SLCO3A1: variants seen among roughly 807,000 people sequenced by gnomAD.
SLCO3A1 encodes solute carrier organic anion transporter family member 3A1, also known as PGE1 transporter.
A neutral mutation model predicts 63.1 loss-of-function variants in SLCO3A1; 27 were observed. That is an observed-to-expected ratio of 0.43 (90% CI 0.32 to 0.59). The LOEUF (loss-of-function observed/expected upper bound fraction) is 0.59, where lower values mean the gene tolerates loss of function less well. Among genes scored for constraint, SLCO3A1 ranks in the 20% least tolerant of loss-of-function variants. The pLI is 0.09. For missense variants in SLCO3A1, 773 were observed against 945.8 expected, an observed-to-expected ratio of 0.82 and a Z score of 2.40; for synonymous variants, 473 against 409.9, an observed-to-expected ratio of 1.15 and a Z score of -1.86.
intron 2 of SLCO3A1, among the ~76,000 whole-genome samples, chr15:91,936,660 A>G (rs982340035): frequency 1.3e-5 from 2 of 152,226 alleles, no homozygotes; most frequent in Non-Finnish European, 2.9e-5. Context: ...TATGGGATTC[A>G]CACAGATGAG....
chr15:92,104,019 T>A (rs1158343141), intron 3 of SLCO3A1, among the ~76,000 whole-genome samples: 1 of 152,200 alleles, frequency 6.6e-6, no homozygotes, highest in Admixed American at 6.5e-5. Context: ...ACGTCTGGCT[T>A]CTCACTGTTT....
chr15:91,978,552 GC>G (rs1901207865), intron 2 of SLCO3A1, among the ~76,000 whole-genome samples: 1 of 152,112 alleles, frequency 6.6e-6, no homozygotes, highest in Non-Finnish European at 1.5e-5. Context: ...TGTATTCAGG[GC>G]TCATAGTACA....
At position 91,865,168 on chromosome 15, in the gene SLCO3A1, A is replaced by G. The variant is rs999709857; in HGVS notation, c.180+11080A>G. 2.0e-5 allele frequency among the ~76,000 whole-genome samples: 3 copies of G among 152,252 alleles called. No individual in the cohort carries two copies. The highest frequency in any genetic ancestry group is 4.8e-5 in the African/African-American group (2 of 41,468). On this transcript the variant is annotated intron_variant, in intron 1 of 9. Transcript: ENST00000318445. The surrounding 1 kb of genome is among the most constrained non-coding windows in gnomAD (Gnocchi z 4.6). ...TATGTGATTCCTGCCTTCCTGGACT[A>G]ATTCTGAGCTCTTTTGTACTTTATT...
chr15:92,140,042 C>A, intron 7 of SLCO3A1, among the ~76,000 whole-genome samples: 4 of 119,986 alleles, frequency 3.3e-5, no homozygotes, highest in African/African-American at 1.6e-4. Context: ...TTTGCTCTTG[C>A]TTTTCTGGTT....
At chr15:91,892,072 C>T (rs1463567997) in intron 1 of SLCO3A1, among the ~76,000 whole-genome samples, 3 of 152,172 alleles carry the variant, frequency 2.0e-5, no homozygotes, top group Non-Finnish European at 4.4e-5. Flanking sequence ...GGACAGGCTG[C>T]CCCCTCCCCC....
chr15:92,142,040 T>C (rs546925811), intron 7 of SLCO3A1, among the ~76,000 whole-genome samples: 31 of 152,334 alleles, frequency 2.0e-4, no homozygotes, highest in Admixed American at 2.0e-3. Flanking sequence ...CTCTGGCATC[T>C]CCTACCCAGC....
chr15:91,925,713 C>CTG lies in SLCO3A1; in HGVS notation c.646+9256_646+9257dup, dbSNP rs374953429. Among the ~76,000 whole-genome samples the CTG allele has an allele frequency of 4.2e-3, 642 of 152,282 alleles. 9 individuals carry two copies. Among genetic ancestry groups the CTG allele is most frequent in the African/African-American group, 0.015 (614 of 41,566 alleles). On this transcript the variant is annotated intron_variant, in intron 2 of 9. Transcript: ENST00000318445. ...TTGTAGGACTGCTACTGAAAGAACT[C>CTG]TGAATACCCAGAGATTCCAGTGTCC... is the stretch of plus-strand genomic sequence containing the variant.
intron 4 of SLCO3A1, among the ~76,000 whole-genome samples, chr15:92,113,868 A>G (rs1489240195): frequency 2.0e-5 from 3 of 152,364 alleles, no homozygotes; most frequent in East Asian, 1.9e-4. Context: ...TATTGCCCCC[A>G]TAGGCCAGGA....
rs936716365 is a variant in SLCO3A1 at position 91,875,804 on chromosome 15, T to C, written c.180+21716T>C. 6.6e-6 allele frequency among the ~76,000 whole-genome samples: 1 copy of C among 152,362 alleles called. No individual in the cohort carries two copies. The highest frequency in any genetic ancestry group is 1.5e-5 in the Non-Finnish European group (1 of 68,032). On this transcript the variant is annotated intron_variant, in intron 1 of 9. Transcript: ENST00000318445. The surrounding 1 kb of genome is among the most constrained non-coding windows in gnomAD (Gnocchi z 4.5). ...CCAAACCTGGCCTGCTCTCTACTTT[T>C]GTAAGTCAACTTTTATTGGAACACA...
At position 92,163,809 on chromosome 15, in the gene SLCO3A1, C is replaced by T. The variant is rs1211327808; in HGVS notation, c.*674C>T. 1.0e-6 allele frequency: 1 copy of T among 985,318 alleles called. No individual in the cohort carries two copies. Among genetic ancestry groups the T allele is most frequent in the Non-Finnish European group, 1.2e-6 (1 of 829,990 alleles). 61.0% of individuals were successfully genotyped at this position (985,318 alleles called of 1,614,324 possible). On this transcript the variant is annotated 3_prime_UTR_variant, in exon 10 of 10. Coordinates refer to ENST00000318445, the MANE Select transcript of SLCO3A1 (RefSeq NM_013272.4). ...TCCGTGCTGGAGTTTGTAATTGGCA[C>T]CTCTCACCAGCTCCATTTCCATGTT...
intron 8 of SLCO3A1, among the ~76,000 whole-genome samples, chr15:92,148,575 G>A (rs2048261500): frequency 6.6e-6 from 1 of 152,180 alleles, no homozygotes; most frequent in Non-Finnish European, 1.5e-5. Context: ...TGGCAAAACT[G>A]ACAAAATCAC....
chr15:91,917,305 C>G (rs1421958092), intron 2 of SLCO3A1, among the ~76,000 whole-genome samples: 1 of 152,194 alleles, frequency 6.6e-6, no homozygotes, highest in Non-Finnish European at 1.5e-5. Context: ...CCCAGGGAAG[C>G]TTTATGCCTC....
At chr15:91,926,408 A>T (rs1030846279) in intron 2 of SLCO3A1, among the ~76,000 whole-genome samples, 1 of 152,188 alleles carries the variant, frequency 6.6e-6, no homozygotes, top group African/African-American at 2.4e-5. Flanking sequence ...AATGGAAAAA[A>T]TATAACCAAT....
chr15:92,152,733 C>T (rs1395930686), intron 9 of SLCO3A1, among the ~76,000 whole-genome samples: 1 of 152,222 alleles, frequency 6.6e-6, no homozygotes, highest in African/African-American at 2.4e-5. Flanking sequence ...AGCCATTCCA[C>T]ATATGCATTT....
chr15:92,147,925 A>G (rs754417739), intron 8 of SLCO3A1, among the ~76,000 whole-genome samples: 1 of 152,190 alleles, frequency 6.6e-6, no homozygotes, highest in Non-Finnish European at 1.5e-5. Context: ...ACTCTACACA[A>G]AGACTCATCA....
intron 2 of SLCO3A1, among the ~76,000 whole-genome samples, chr15:92,084,436 G>A (rs919336148): frequency 6.6e-6 from 1 of 152,132 alleles, no homozygotes; most frequent in African/African-American, 2.4e-5. Context: ...TTACAGAGGA[G>A]GAAACTGAGG....
At chr15:91,943,250 C>T (rs1567197061) in intron 2 of SLCO3A1, among the ~76,000 whole-genome samples, 1 of 152,168 alleles carries the variant, frequency 6.6e-6, no homozygotes. Context: ...CCCCTCCCCT[C>T]AGCCCTTGGC....
intron 2 of SLCO3A1, among the ~76,000 whole-genome samples, chr15:92,069,096 GCCCCCCCC>G (rs56003783): frequency 2.6e-5 from 3 of 115,740 alleles, no homozygotes; most frequent in South Asian, 3.2e-4. Flanking sequence ...GGCTCCCCCC[GCCCCCCCC>G]CCGCCACCCC....
intron 2 of SLCO3A1, among the ~76,000 whole-genome samples, chr15:92,039,538 A>G (rs748505566): frequency 3.3e-5 from 5 of 152,226 alleles, no homozygotes; most frequent in East Asian, 3.8e-4. Context: ...TGTGCCAGTC[A>G]GAGTGGTGAT....
Sources: allele counts gnomAD v4.1 joint callset (sites outside exome capture counted in the v4.1 genomes callset), GRCh38; gene constraint gnomAD v4.1.1; non-coding constraint Gnocchi (gnomAD v3.1); transcripts MANE v1.5; gene names NCBI Gene and HGNC (gene_info 2026-07-23, HGNC 2026-07-21).